The following DLGAP1 variants were observed in gnomAD, a reference collection of about 807,000 sequenced individuals.
DLGAP1 encodes the protein disks large-associated protein 1.
A neutral mutation model predicts 90.8 loss-of-function variants in DLGAP1; 11 were observed. The ratio of observed to expected loss-of-function variants is 0.12; its 90% CI spans 0.08 to 0.20. The LOEUF (loss-of-function observed/expected upper bound fraction) is 0.20. Among genes scored for constraint, DLGAP1 ranks in the 10% least tolerant of loss-of-function variants. The pLI, the probability that DLGAP1 is intolerant of heterozygous loss-of-function variation, is 1.00. For missense variants in DLGAP1, 1,050 were observed against 1,333.8 expected (o/e 0.79, Z 3.31); for synonymous variants, 558 against 540.7 (o/e 1.03, Z -0.44).
chr18:4,232,521 T>C (rs1036298291), intron 1 of DLGAP1, among the ~76,000 whole-genome samples: 12 of 152,196 alleles, frequency 7.9e-5, no homozygotes, highest in African/African-American at 2.7e-4. Context: ...CTTAAAATTA[T>C]AAAAGTGCAA....
At chr18:3,893,620 T>TA (rs1033515532) in intron 3 of DLGAP1, among the ~76,000 whole-genome samples, 38 of 143,424 alleles carry the variant, frequency 2.6e-4, no homozygotes, top group Non-Finnish European at 3.8e-4. Context: ...ATAATAATAA[T>TA]AAGAACAATT....
At chr18:3,666,506 C>A (rs139511205) in intron 7 of DLGAP1, among the ~76,000 whole-genome samples, 3 of 152,144 alleles carry the variant, frequency 2.0e-5, no homozygotes, top group African/African-American at 7.2e-5. Flanking sequence ...CCATGGAACA[C>A]CTACCAATCC....
chr18:4,292,553 T>C (rs1041367584), intron 1 of DLGAP1, among the ~76,000 whole-genome samples: 2 of 152,152 alleles, frequency 1.3e-5, no homozygotes, highest in Non-Finnish European at 2.9e-5. Context: ...TTTACTAATT[T>C]TTATTATTTC....
intron 10 of DLGAP1, among the ~76,000 whole-genome samples, chr18:3,523,298 A>C (rs975586993): frequency 6.6e-6 from 1 of 151,776 alleles, no homozygotes; most frequent in Non-Finnish European, 1.5e-5. Context: ...AATCACTTGA[A>C]CCTGGGAGGC....
chr18:4,363,426 G>A (rs2081676364), intron 1 of DLGAP1, among the ~76,000 whole-genome samples: 1 of 152,130 alleles, frequency 6.6e-6, no homozygotes, highest in South Asian at 2.1e-4. Context: ...ATAATTCACA[G>A]GATAACTAAG....
At chr18:3,709,613 C>T (rs342479) in intron 7 of DLGAP1, among the ~76,000 whole-genome samples, 46,537 of 152,034 alleles carry the variant, frequency 0.31, 8,828 homozygotes, top group African/African-American at 0.53. Flanking sequence ...CCTAGAGACT[C>T]ACTGTAAAGC....
At chr18:4,108,104 G>C (rs1430996431) in intron 2 of DLGAP1, among the ~76,000 whole-genome samples, 1 of 152,136 alleles carries the variant, frequency 6.6e-6, no homozygotes, top group Non-Finnish European at 1.5e-5. Flanking sequence ...CCCCTGAAGT[G>C]GGCCATAGAA....
chr18:4,413,378 G>A (rs896273692), intron 1 of DLGAP1, among the ~76,000 whole-genome samples: 2 of 152,158 alleles, frequency 1.3e-5, no homozygotes, highest in Non-Finnish European at 2.9e-5. Flanking sequence ...CCCTCTCCAA[G>A]AGAGAGATGG....
chr18:3,654,338 C>T (rs1274042391), intron 7 of DLGAP1, among the ~76,000 whole-genome samples: 1 of 152,168 alleles, frequency 6.6e-6, no homozygotes, highest in Non-Finnish European at 1.5e-5. Flanking sequence ...GAAAACAAAA[C>T]CCTGTCCTGG....
At chr18:4,047,867 C>T (rs11664215) in intron 2 of DLGAP1, among the ~76,000 whole-genome samples, 21,596 of 152,252 alleles carry the variant, frequency 0.14, 1,846 homozygotes, top group Non-Finnish European at 0.19. Context: ...TTGGTCATAA[C>T]TCACTGCAGT....
At chr18:4,411,963 A>G (rs141083356) in intron 1 of DLGAP1, among the ~76,000 whole-genome samples, 1 of 152,298 alleles carries the variant, frequency 6.6e-6, no homozygotes, top group Non-Finnish European at 1.5e-5. Context: ...GGAGCAAAAA[A>G]TAAGCTCAAT....
intron 3 of DLGAP1, among the ~76,000 whole-genome samples, chr18:3,976,027 C>A (rs772539184): frequency 1.3e-5 from 2 of 151,896 alleles, no homozygotes; most frequent in Non-Finnish European, 2.9e-5. Flanking sequence ...ATGTGAAATA[C>A]TTAATGCCAC....
chr18:3,887,364 G>A (rs1386057014), intron 3 of DLGAP1, among the ~76,000 whole-genome samples: 1 of 152,208 alleles, frequency 6.6e-6, no homozygotes, highest in East Asian at 1.9e-4. Context: ...TAATCCATTA[G>A]AGGAATTTAA....
chr18:4,038,531 G>A (rs531802283), intron 2 of DLGAP1, among the ~76,000 whole-genome samples: 1 of 151,872 alleles, frequency 6.6e-6, no homozygotes, highest in African/African-American at 2.4e-5. Flanking sequence ...CTATAAAGTA[G>A]GTTTATTTTT....
intron 7 of DLGAP1, among the ~76,000 whole-genome samples, chr18:3,686,833 C>T (rs897149846): frequency 6.6e-6 from 1 of 152,184 alleles, no homozygotes; most frequent in African/African-American, 2.4e-5. Flanking sequence ...TACATAAGTT[C>T]TAATCCTGGA....
Position 4,454,359 on chromosome 18 carries a change from C to T in DLGAP1, c.-267+647G>A, listed in dbSNP as rs1431352011. Reference sequence around the variant, plus strand: ...GCGATTCTCCGGGAATTGGCCTTGGCCGCGGGCAGGGGGCGACTCTCCAGT... The same window carrying T: ...GCGATTCTCCGGGAATTGGCCTTGGTCGCGGGCAGGGGGCGACTCTCCAGT... On this transcript the variant is annotated intron_variant, in intron 1 of 12. Transcript: ENST00000315677. This position sits in a 1 kb window ranked among gnomAD's most constrained non-coding sequence, Gnocchi z 4.7. 2.0e-5 allele frequency among the ~76,000 whole-genome samples: 3 copies of T among 152,116 alleles called. No individual in the cohort carries two copies. The highest frequency in any genetic ancestry group is 4.4e-5 in the Non-Finnish European group (3 of 68,020).
chr18:4,392,068 T>C (rs895486403), intron 1 of DLGAP1, among the ~76,000 whole-genome samples: 4 of 152,182 alleles, frequency 2.6e-5, no homozygotes, highest in African/African-American at 9.7e-5. Flanking sequence ...GAAAGTTCAA[T>C]TTCCCCTGAC....
chr18:4,051,867 G>A (rs1266621630), intron 2 of DLGAP1, among the ~76,000 whole-genome samples: 1 of 152,170 alleles, frequency 6.6e-6, no homozygotes, highest in Non-Finnish European at 1.5e-5. Flanking sequence ...TTCCAAATAA[G>A]AGAAATTGGC....
At chr18:3,864,920 C>T (rs992427944) in intron 4 of DLGAP1, among the ~76,000 whole-genome samples, 2 of 151,910 alleles carry the variant, frequency 1.3e-5, no homozygotes, top group African/African-American at 4.8e-5. Flanking sequence ...TCCTTCAAAC[C>T]TGGACTAGTA....
Sources: allele counts gnomAD v4.1 joint callset (sites outside exome capture counted in the v4.1 genomes callset), GRCh38; gene constraint gnomAD v4.1.1; non-coding constraint Gnocchi (gnomAD v3.1); transcripts MANE v1.5; gene names NCBI Gene and HGNC (gene_info 2026-07-23, HGNC 2026-07-21).